EPHA5: variants seen among roughly 807,000 people sequenced by gnomAD.
EPHA5 encodes the protein EPH receptor A5, also known as ephrin type-A receptor 5.
A neutral mutation model predicts 105.0 loss-of-function variants in EPHA5; 60 were observed. That is an observed-to-expected ratio of 0.57 (90% CI 0.46 to 0.71). The LOEUF is 0.71. EPHA5 is among the 30% of genes least tolerant of loss of function. The pLI is 0.00. For missense variants in EPHA5, 1,218 were observed against 1,274.7 expected, an observed-to-expected ratio of 0.96 and a Z score of 0.68; for synonymous variants, 513 against 449.1, an observed-to-expected ratio of 1.14 and a Z score of -1.80.
At chr4:65,525,038 T>C (rs147928553) in intron 3 of EPHA5, among the ~76,000 whole-genome samples, 5 of 151,906 alleles carry the variant, frequency 3.3e-5, no homozygotes, top group Admixed American at 6.6e-5. Context: ...TATTCTATCA[T>C]CTTTTAAATT....
chr4:65,380,758 G>C (rs1202994889), intron 8 of EPHA5, among the ~76,000 whole-genome samples: 2 of 151,800 alleles, frequency 1.3e-5, no homozygotes, highest in African/African-American at 2.4e-5. Context: ...TTCAGGGCTA[G>C]AGAAAACAGA....
chr4:65,368,565 C>T (rs998535117), intron 8 of EPHA5, among the ~76,000 whole-genome samples: 2 of 152,096 alleles, frequency 1.3e-5, no homozygotes, highest in African/African-American at 2.4e-5. Flanking sequence ...CAATTAAGTC[C>T]TTAACATTTT....
intron 3 of EPHA5, among the ~76,000 whole-genome samples, chr4:65,558,604 A>C (rs1738695461): frequency 1.3e-5 from 2 of 152,084 alleles, no homozygotes; most frequent in African/African-American, 4.8e-5. Flanking sequence ...CAGGTTAGTT[A>C]CATATGTATA....
chr4:65,528,497 A>G (rs552694294), intron 3 of EPHA5, among the ~76,000 whole-genome samples: 6 of 152,282 alleles, frequency 3.9e-5, no homozygotes, highest in Admixed American at 3.9e-4. Context: ...TGTTGCTTAA[A>G]AAAATCCGTA....
intron 3 of EPHA5, among the ~76,000 whole-genome samples, chr4:65,585,053 T>C (rs931000958): frequency 6.6e-6 from 1 of 151,814 alleles, no homozygotes; most frequent in Non-Finnish European, 1.5e-5. Flanking sequence ...TACCAACGTG[T>C]TATCTTCATT....
intron 2 of EPHA5, among the ~76,000 whole-genome samples, chr4:65,638,269 C>T (rs903059924): frequency 7.2e-5 from 11 of 151,922 alleles, no homozygotes; most frequent in African/African-American, 2.4e-4. Context: ...GGCAATATGC[C>T]AGGCAATATC....
chr4:65,663,346 C>T (rs561339832), intron 1 of EPHA5, among the ~76,000 whole-genome samples: 6 of 152,134 alleles, frequency 3.9e-5, no homozygotes, highest in African/African-American at 1.4e-4. Context: ...TCATACCAAA[C>T]CACAGAGTTT....
At chr4:65,427,142 A>G (rs1724514198) in intron 5 of EPHA5, among the ~76,000 whole-genome samples, 1 of 151,376 alleles carries the variant, frequency 6.6e-6, no homozygotes, top group Admixed American at 6.6e-5. Context: ...AGAGACAATT[A>G]TATGTATAAG....
intron 1 of EPHA5, among the ~76,000 whole-genome samples, chr4:65,663,442 A>G (rs1749708499): frequency 6.6e-6 from 1 of 152,044 alleles, no homozygotes; most frequent in Non-Finnish European, 1.5e-5. Flanking sequence ...GGGATACTGG[A>G]TGAAAATTTG....
intron 3 of EPHA5, among the ~76,000 whole-genome samples, chr4:65,533,259 A>G (rs1444507704): frequency 6.6e-6 from 1 of 152,158 alleles, no homozygotes; most frequent in Non-Finnish European, 1.5e-5. Flanking sequence ...TAATTATTAT[A>G]CATATTGTTT....
chr4:65,390,945 C>T (rs896796457), intron 8 of EPHA5, among the ~76,000 whole-genome samples: 8 of 151,764 alleles, frequency 5.3e-5, no homozygotes, highest in South Asian at 2.1e-4. Flanking sequence ...TGCTGGAGAC[C>T]GGGTAATTTA....
chr4:65,388,612 T>C (rs1307515937), intron 8 of EPHA5, among the ~76,000 whole-genome samples: 1 of 151,668 alleles, frequency 6.6e-6, no homozygotes, highest in African/African-American at 2.4e-5. Context: ...TGCATAAATG[T>C]CTTCTTTTGA....
intron 8 of EPHA5, among the ~76,000 whole-genome samples, chr4:65,384,970 G>A (rs75100463): frequency 2.6e-3 from 399 of 151,534 alleles, no homozygotes; most frequent in Non-Finnish European, 4.0e-3. Context: ...GCTGAAACAC[G>A]TCTGTCTCGG....
At chr4:65,600,356 A>T (rs575747104) in intron 3 of EPHA5, among the ~76,000 whole-genome samples, 1 of 152,066 alleles carries the variant, frequency 6.6e-6, no homozygotes, top group Admixed American at 6.5e-5. Flanking sequence ...TAGATATAAA[A>T]TCAGATGTAG....
intron 8 of EPHA5, among the ~76,000 whole-genome samples, chr4:65,386,808 T>C (rs1720139099): frequency 6.6e-6 from 1 of 152,018 alleles, no homozygotes; most frequent in East Asian, 1.9e-4. Flanking sequence ...TCTGGTGGTA[T>C]GATTAACTTT....
intron 2 of EPHA5, among the ~76,000 whole-genome samples, chr4:65,641,539 T>G (rs879764184): frequency 2.0e-5 from 3 of 152,214 alleles, no homozygotes; most frequent in African/African-American, 7.2e-5. Flanking sequence ...ATTTTAAGTC[T>G]ATATGTTTTT....
chr4:65,605,053 G>T (rs929875408), intron 2 of EPHA5, among the ~76,000 whole-genome samples: 3 of 152,152 alleles, frequency 2.0e-5, no homozygotes, highest in Non-Finnish European at 4.4e-5. Context: ...CATCCCCTGA[G>T]CCCATGCTTT....
At chr4:65,468,547 A>C (rs898607654) in intron 5 of EPHA5, among the ~76,000 whole-genome samples, 16 of 106,934 alleles carry the variant, frequency 1.5e-4, no homozygotes, top group African/African-American at 5.6e-4. Flanking sequence ...ATATATATAT[A>C]TAATATATAT....
chr4:65,499,551 G>A (rs4590098), intron 3 of EPHA5, among the ~76,000 whole-genome samples: 141,540 of 151,598 alleles, frequency 0.93, 66,324 homozygotes, highest in Middle Eastern at 0.99. Flanking sequence ...TATTTTTGTT[G>A]AGATTGCAGT....
Sources: gnomAD v4.1 joint callset for allele counts (sites outside exome capture counted in the v4.1 genomes callset) on GRCh38, gnomAD v4.1.1 for gene constraint, MANE v1.5 for transcripts, NCBI Gene and HGNC (gene_info 2026-07-23, HGNC 2026-07-21) for gene names.